Variants in MACF1 observed in about 807,000 individuals in gnomAD.
MACF1 encodes microtubule actin crosslinking factor 1.
In MACF1, 193 loss-of-function variants were observed where a neutral mutation model predicts 854.8. The ratio of observed to expected loss-of-function variants is 0.23; its 90% CI spans 0.20 to 0.25. The LOEUF (loss-of-function observed/expected upper bound fraction) is 0.25. Among genes scored for constraint, MACF1 ranks in the 10% least tolerant of loss-of-function variants. The pLI is 1.00. For missense variants in MACF1, 7,722 were observed against 8,929.1 expected, an observed-to-expected ratio of 0.86 and a Z score of 5.45; for synonymous variants, 3,185 against 3,226.7, an observed-to-expected ratio of 0.99 and a Z score of 0.44.
intron 2 of MACF1, among the ~76,000 whole-genome samples, chr1:39,137,791 A>G (rs937889822): frequency 6.6e-6 from 1 of 152,166 alleles, no homozygotes; most frequent in African/African-American, 2.4e-5. Flanking sequence ...AATTTGTCTG[A>G]GGCCAGGCGT....
At position 39,486,862 on chromosome 1, in the gene MACF1, G is replaced by T. The variant is rs1422386086; in HGVS notation, c.*1068G>T. ...CCTGTTTTTTAGCTGCTGTTCTTCA[G>T]CTCCGACCATGTTGCTGTGTGATTA... On this transcript the variant is annotated 3_prime_UTR_variant, in exon 101 of 101. Coordinates refer to ENST00000564288, the MANE Select transcript of MACF1 (RefSeq NM_001394062.1). 6.6e-6 allele frequency: 1 copy of T among 152,580 alleles called. No individual in the cohort carries two copies. Among genetic ancestry groups the T allele is most frequent in the African/African-American group, 2.4e-5 (1 of 41,442 alleles). 9.5% of individuals were successfully genotyped at this position (152,580 alleles called of 1,614,324 possible). A position where few individuals can be genotyped will look rare whatever the true frequency, so the allele number is the denominator to read the frequency against.
chr1:39,134,761 C>T (rs955024287), intron 2 of MACF1, among the ~76,000 whole-genome samples: 5 of 152,028 alleles, frequency 3.3e-5, no homozygotes, highest in Non-Finnish European at 7.4e-5. Context: ...AATAACAATA[C>T]GCTTGATTTT....
intron 80 of MACF1, among the ~76,000 whole-genome samples, chr1:39,445,343 G>A (rs1217191275): frequency 6.6e-6 from 1 of 152,188 alleles, no homozygotes; most frequent in African/African-American, 2.4e-5. Context: ...GGATCAAGGT[G>A]TTTGCCCAAA....
At chr1:39,209,012 G>C (rs1644485825) in intron 1 of MACF1, among the ~76,000 whole-genome samples, 1 of 151,988 alleles carries the variant, frequency 6.6e-6, no homozygotes, top group African/African-American at 2.4e-5. Flanking sequence ...AGCACTTTGG[G>C]AGGCTGAGGC....
chr1:39,347,109 G>A lies in MACF1; in HGVS notation c.10714G>A (p.Glu3572Lys), dbSNP rs1234217304. 6.2e-7 allele frequency: 1 copy of A among 1,613,968 alleles called. No individual in the cohort carries two copies. The highest frequency in any genetic ancestry group is 8.5e-7 in the Non-Finnish European group (1 of 1,179,946). ...QNRQMLRLLN[E>K]LQRSFQDILE... ...TCGACAGATGCTGAGGCTTCTGAAT[G>A]AACTGCAGAGGTCCTTCCAGGACAT... Residue 3572 changes from glutamate (E) to lysine (K), a missense_variant, in exon 41 of 101, where the codon GAA (glutamate) becomes AAA (lysine). This residue lies in a region of MACF1 where 854 missense variants were observed against 852.6 expected (regional missense o/e 1.00). Coordinates refer to ENST00000564288, the MANE Select transcript of MACF1 (RefSeq NM_001394062.1).
intron 77 of MACF1, 54 bp downstream of exon 77, chr1:39,442,621 G>A (rs1056596820): frequency 2.5e-6 from 4 of 1,609,720 alleles, no homozygotes; most frequent in Non-Finnish European, 3.4e-6. Context: ...ACCAGATGCT[G>A]CCACCAGCAG....
At chr1:39,380,611 A>G (rs1306283814) in intron 55 of MACF1, among the ~76,000 whole-genome samples, 1 of 152,214 alleles carries the variant, frequency 6.6e-6, no homozygotes, top group Non-Finnish European at 1.5e-5. Context: ...TACTGTGATC[A>G]AGAACCAAAG....
intron 58 of MACF1, among the ~76,000 whole-genome samples, chr1:39,400,908 C>T (rs989578578): frequency 2.6e-5 from 4 of 152,068 alleles, no homozygotes; most frequent in African/African-American, 9.7e-5. Context: ...TTATTTTCTT[C>T]TTGAAAATTG....
intron 2 of MACF1, among the ~76,000 whole-genome samples, chr1:39,113,156 C>T (rs1177658076): frequency 6.6e-6 from 1 of 152,136 alleles, no homozygotes; most frequent in Admixed American, 6.6e-5. Context: ...CCTCCTCTCC[C>T]TACCCCTAAT....
chr1:39,258,987 T>C (rs969679969), intron 6 of MACF1, among the ~76,000 whole-genome samples: 16 of 152,308 alleles, frequency 1.1e-4, no homozygotes, highest in African/African-American at 3.8e-4. Flanking sequence ...TAATGTATTT[T>C]TGTGGAACCA....
rs551527181 is a variant in MACF1, at chr1:39,324,741, A to G, written c.4478+7A>G. The G allele has an allele frequency of 6.2e-7, 1 of 1,603,868 alleles. No homozygotes were observed. The highest frequency in any genetic ancestry group is 1.3e-5 in the African/African-American group (1 of 74,814). ...TGGCCAAGCATGGTCATAAGTGAGT[A>G]TTAAATGAGAGATTATGGCACATCT... is the stretch of plus-strand genomic sequence containing the variant. On this transcript the variant is annotated splice_region_variant and intron_variant, in intron 35 of 100. Transcript: ENST00000564288.
intron 10 of MACF1, 68 bp downstream of exon 10, chr1:39,284,253 G>A (rs1401716149): frequency 6.3e-7 from 1 of 1,583,030 alleles, no homozygotes; most frequent in East Asian, 2.2e-5. Context: ...GCTTATCACT[G>A]CTGGCTTCTA....
Position 39,322,902 on chromosome 1 carries a change from A to G in MACF1, c.4138-8A>G, listed in dbSNP as rs1259716389. 1 of 1,611,840 alleles carries G rather than the reference A, an allele frequency of 6.2e-7. No homozygotes were observed. On this transcript the variant is annotated splice_region_variant and splice_polypyrimidine_tract_variant and intron_variant, in intron 32 of 100. Coordinates refer to ENST00000564288, the MANE Select transcript of MACF1 (RefSeq NM_001394062.1). Reference sequence around the variant, plus strand: ...ACGATTTATTTAAATTGTTCTTTTGAACCACAGTTCATGGACTTAAGGACT... The same window carrying G: ...ACGATTTATTTAAATTGTTCTTTTGGACCACAGTTCATGGACTTAAGGACT...
intron 21 of MACF1, 89 bp downstream of exon 21, chr1:39,297,834 G>T: frequency 6.9e-7 from 1 of 1,456,890 alleles, no homozygotes; most frequent in Non-Finnish European, 9.3e-7. Context: ...AAAGCTCCAG[G>T]GCAATGGGCC....
chr1:39,091,358 C>T (rs569103251), intron 2 of MACF1, among the ~76,000 whole-genome samples: 7 of 152,240 alleles, frequency 4.6e-5, no homozygotes, highest in South Asian at 2.1e-4. Context: ...GACCCTGGGA[C>T]GTTAGTCACT....
At chr1:39,226,529 C>T (rs906397318) in intron 1 of MACF1, among the ~76,000 whole-genome samples, 7 of 151,912 alleles carry the variant, frequency 4.6e-5, no homozygotes, top group Admixed American at 2.6e-4. Flanking sequence ...TTAGTAGAGA[C>T]GGGGTTTTAC....
At chr1:39,384,798 G>A (rs532437822) in intron 56 of MACF1, among the ~76,000 whole-genome samples, 1 of 152,306 alleles carries the variant, frequency 6.6e-6, no homozygotes, top group East Asian at 1.9e-4. Context: ...CAATTCAGAG[G>A]CTTGGGTATT....
chr1:39,130,423 A>G (rs1252304708), intron 2 of MACF1, among the ~76,000 whole-genome samples: 2 of 152,180 alleles, frequency 1.3e-5, no homozygotes, highest in Non-Finnish European at 2.9e-5. Context: ...GTTTTGGCCT[A>G]TGGGAATGAT....
At chr1:39,393,181 T>TAAAAA (rs1192045357) in intron 58 of MACF1, among the ~76,000 whole-genome samples, 7 of 90,258 alleles carry the variant, frequency 7.8e-5, no homozygotes, top group African/African-American at 2.0e-4. Context: ...CTGGGAAGGG[T>TAAAAA]AAAAAAAAAA....
Sources: gnomAD v4.1 joint callset for allele counts (sites outside exome capture counted in the v4.1 genomes callset) on GRCh38, gnomAD v4.1.1 for gene constraint, gnomAD v4.1.1 regional missense constraint, MANE v1.5 for transcripts, NCBI Gene and HGNC (gene_info 2026-07-23, HGNC 2026-07-21) for gene names.